TTF2: variants seen among roughly 807,000 people sequenced by gnomAD.
TTF2 encodes transcription termination factor 2.
Under a neutral mutation model 142.4 loss-of-function variants are expected in TTF2, and 108 were observed. The observed-to-expected ratio is 0.76, with a 90% CI of 0.65 to 0.89. The LOEUF is 0.89. Among genes scored for constraint, TTF2 ranks in the 40% least tolerant of loss-of-function variants. The pLI is 0.00. For missense variants in TTF2, 1,327 were observed against 1,379.8 expected (o/e 0.96, Z 0.61); for synonymous variants, 483 against 506.2 (o/e 0.95, Z 0.61).
At position 117,080,676 on chromosome 1, in the gene TTF2, G is replaced by T. The variant is rs979407479; in HGVS notation, c.1783+1027G>T. ...CAGTGGTCCTCAAAACCACCCCCAG[G>T]TTCGATGATTTGCTAGTAAGACACA... On this transcript the variant is annotated intron_variant, in intron 9 of 22. Coordinates refer to ENST00000369466, the MANE Select transcript of TTF2 (RefSeq NM_003594.4). This position sits in a 1 kb window ranked among gnomAD's most constrained non-coding sequence, Gnocchi z 4.3. 1.6e-4 allele frequency among the ~76,000 whole-genome samples: 24 copies of T among 152,164 alleles called. No homozygotes were observed. The highest frequency in any genetic ancestry group is 2.4e-4 in the Non-Finnish European group (16 of 68,032).
rs1649977097 is a variant in TTF2 at position 117,106,785 on chromosome 1, G to A, written c.*5261G>A. The A allele has an allele frequency of 6.6e-6, 1 of 152,198 alleles. No homozygotes were observed. The highest frequency in any genetic ancestry group is 2.1e-4 in the South Asian group (1 of 4,830). 9.4% of individuals were successfully genotyped at this position (152,198 alleles called of 1,614,324 possible). The stretch of plus-strand genomic sequence containing the variant: ...TCTTCCTATACTGCCTGCTTCTAAT[G>A]AGCATCCACTTCATTGAACCACCTC... On this transcript the variant is annotated 3_prime_UTR_variant, in exon 23 of 23. Transcript: ENST00000369466.
Position 117,097,413 on chromosome 1 carries a change from C to A in TTF2, c.3249C>A (p.Leu1083=), listed in dbSNP as rs750089482. 1.1e-5 allele frequency: 17 copies of A among 1,614,134 alleles called. No individual in the cohort carries two copies. The Admixed American group carries it at 2.8e-4, about 27-fold the overall frequency. The change falls in exon 21 of 23, where the codon CTC becomes CTA. Residue 1083 remains leucine, a synonymous_variant. Transcript: ENST00000369466. The surrounding 1 kb of genome is among the most constrained non-coding windows in gnomAD (Gnocchi z 4.1). Reference sequence around the variant, plus strand: ...TAAACCTGACTGGAGGAAATCACCTCTTTCTTTTGGACATGCACTGGTAAT... The same window carrying A: ...TAAACCTGACTGGAGGAAATCACCTATTTCTTTTGGACATGCACTGGTAAT... ...VGLNLTGGNH[L]FLLDMHWNPS...
In TTF2 at chr1:117,080,003, T is replaced by TCC. The variant is rs933663766; in HGVS notation, c.1783+356_1783+357dup. 6.8e-6 allele frequency among the ~76,000 whole-genome samples: 1 copy of TCC among 146,998 alleles called. No individual in the cohort carries two copies. Among genetic ancestry groups the TCC allele is most frequent in the African/African-American group, 2.5e-5 (1 of 39,858 alleles). The stretch of plus-strand genomic sequence containing the variant: ...AACACACAAACAGCAGTCTATTGCC[T>TCC]CCCTCTTTTTTTTTTTTTTTTTTGA... On this transcript the variant is annotated intron_variant, in intron 9 of 22. Coordinates refer to ENST00000369466, the MANE Select transcript of TTF2 (RefSeq NM_003594.4). The surrounding 1 kb of genome is among the most constrained non-coding windows in gnomAD (Gnocchi z 4.3).
In TTF2 at chr1:117,076,822, A is replaced by C; in HGVS notation, c.1572A>C (p.Arg524=). 1 of 1,610,830 alleles carries C rather than the reference A, an allele frequency of 6.2e-7. No homozygotes were observed. The highest frequency in any genetic ancestry group is 8.5e-7 in the Non-Finnish European group (1 of 1,178,316). ...CTGGAGGATCCAGTCAGTGCTATCGAGGTAAGACCCAAGGGCCTGACCCTG... is the reference window on the plus strand; with the variant it reads ...CTGGAGGATCCAGTCAGTGCTATCGCGGTAAGACCCAAGGGCCTGACCCTG... The part of the protein sequence containing the change: ...VTAGGSSQCY[R]GHTNQDHVHA... Residue 524 remains arginine (R), a splice_region_variant and synonymous_variant, in exon 7 of 23, where the codon CGA becomes CGC. Coordinates refer to ENST00000369466, the MANE Select transcript of TTF2 (RefSeq NM_003594.4). This position sits in a 1 kb window ranked among gnomAD's most constrained non-coding sequence, Gnocchi z 4.6.
intron 3 of TTF2, among the ~76,000 whole-genome samples, chr1:117,072,290 G>T (rs1182159813): frequency 6.6e-6 from 1 of 151,892 alleles, no homozygotes; most frequent in Non-Finnish European, 1.5e-5. Flanking sequence ...ACAATTGCCA[G>T]CTCATGGCTA....
rs771951853 is a variant in TTF2, at chr1:117,073,702, G to A, written c.260G>A (p.Arg87His). 4.3e-6 allele frequency: 7 copies of A among 1,612,206 alleles called. No individual in the cohort carries two copies. Among genetic ancestry groups the A allele is most frequent in the South Asian group, 3.3e-5 (3 of 90,812 alleles). The stretch of plus-strand genomic sequence containing the variant: ...ATTAGAAGTAAGGCAGAGGGGAAAC[G>A]CTGGTGTGGAAGTATTCCATGGCAG... ...RCIRSKAEGKRWCGSIPWQDP... is the reference protein window; with the variant it reads ...RCIRSKAEGKHWCGSIPWQDP... The change falls in exon 4 of 23, where the codon CGC (arginine) becomes CAC (histidine). Residue 87 changes from arginine (R) to histidine (H), a missense_variant. Arg to His is a conservative substitution (Grantham distance 29). Transcript: ENST00000369466. The surrounding 1 kb of genome is among the most constrained non-coding windows in gnomAD (Gnocchi z 4.4).
chr1:117,091,976 C>A (rs1474660595), intron 17 of TTF2, 26 bp downstream of exon 17: 1 of 1,596,952 alleles, frequency 6.3e-7, no homozygotes. Flanking sequence ...AGCCTGCTGT[C>A]ATATAGTGCT....
rs1024905044 is a variant in TTF2 at position 117,102,418 on chromosome 1, T to C, written c.*894T>C. On this transcript the variant is annotated 3_prime_UTR_variant, in exon 23 of 23. Transcript: ENST00000369466. ...AGGAGATGCTTTGTACATGAACAGATGCTGAGTATCTGTTATCATTGTATT... is the reference window on the plus strand; with the variant it reads ...AGGAGATGCTTTGTACATGAACAGACGCTGAGTATCTGTTATCATTGTATT... The C allele has an allele frequency of 5.3e-5, 8 of 152,222 alleles. 1 individual carries two copies. In the South Asian group the frequency reaches 8.3e-4, roughly 16 times the overall value. The allele number at this position is 152,222 out of a possible 1,614,324, so 9.4% of individuals were successfully genotyped here.
At chr1:117,094,934 G>A (rs1289823570) in intron 18 of TTF2, among the ~76,000 whole-genome samples, 3 of 152,180 alleles carry the variant, frequency 2.0e-5, no homozygotes, top group African/African-American at 4.8e-5. Context: ...TAGGCAGAGG[G>A]AGCAGAATGG....
Position 117,090,131 on chromosome 1 carries a change from GA to G in TTF2, c.2421del (p.Glu807AspfsTer3). ...TGACAATGGCTCAAAGAAAGGAGGA[GA>G]ACGGTTAAGTATTTTAACCAAGAGC... Reference protein sequence around the residue: ...QVDNGSKKGGERLSILTKSLL... With the variant: ...QVDNGSKKGGXRLSILTKSLL... On this transcript the variant is annotated frameshift_variant, in exon 14 of 23. Coordinates refer to ENST00000369466, the MANE Select transcript of TTF2 (RefSeq NM_003594.4). LOFTEE classifies it high-confidence loss of function. The surrounding 1 kb of genome is among the most constrained non-coding windows in gnomAD (Gnocchi z 4.8). The G allele has an allele frequency of 1.2e-6, 2 of 1,614,144 alleles. No homozygotes were observed. Among genetic ancestry groups the G allele is most frequent in the Non-Finnish European group, 1.7e-6 (2 of 1,180,008 alleles).
chr1:117,084,001 T>G lies in TTF2; in HGVS notation c.1904-17T>G. 1 of 1,613,568 alleles carries G rather than the reference T, an allele frequency of 6.2e-7. No individual in the cohort carries two copies. The highest frequency in any genetic ancestry group is 8.5e-7 in the Non-Finnish European group (1 of 1,179,642). ...TTGGTGAATGTAACTAGGCACTGAT[T>G]TTTTTCCCTTCTCAAGACTCTTGTG... On this transcript the variant is annotated splice_polypyrimidine_tract_variant and intron_variant, in intron 10 of 22. Transcript: ENST00000369466.
chr1:117,097,575 C>T lies in TTF2; in HGVS notation c.3269+142C>T. On this transcript the variant is annotated intron_variant, in intron 21 of 22. Coordinates refer to ENST00000369466, the MANE Select transcript of TTF2 (RefSeq NM_003594.4). The surrounding 1 kb of genome is among the most constrained non-coding windows in gnomAD (Gnocchi z 4.1). The stretch of plus-strand genomic sequence containing the variant: ...CTTGCTTTGTATGTGTCTATAGATA[C>T]AGATCTAAGCAGGGTATAGGGCTAG... 3.9e-6 allele frequency: 3 copies of T among 774,618 alleles called. No individual in the cohort carries two copies. The highest frequency in any genetic ancestry group is 6.7e-6 in the Non-Finnish European group (3 of 450,010). The allele number at this position is 774,618 out of a possible 1,614,324, so 48.0% of individuals were successfully genotyped here.
In TTF2 at chr1:117,106,340, C is replaced by CACAA. The variant is rs1431768506; in HGVS notation, c.*4817_*4820dup. 1 of 151,422 alleles carries CACAA rather than the reference C, an allele frequency of 6.6e-6. No homozygotes were observed. Among genetic ancestry groups the CACAA allele is most frequent in the Non-Finnish European group, 1.5e-5 (1 of 67,964 alleles). 9.4% of individuals were successfully genotyped at this position (151,422 alleles called of 1,614,324 possible). ...AAGAGGGGCGACAGATATGCAGCTA[C>CACAA]ACAATGTTTTTACTATCTTGAGTTC... is the stretch of plus-strand genomic sequence containing the variant. On this transcript the variant is annotated 3_prime_UTR_variant, in exon 23 of 23. Coordinates refer to ENST00000369466, the MANE Select transcript of TTF2 (RefSeq NM_003594.4).
In TTF2 at chr1:117,084,087, A is replaced by C. The variant is rs781000666; in HGVS notation, c.1973A>C (p.Asn658Thr). 9 of 1,614,182 alleles carry C rather than the reference A, an allele frequency of 5.6e-6. No individual in the cohort carries two copies. In the Admixed American group the frequency reaches 1.2e-4, roughly 21 times the overall value. ...GCCTCCCTGATCCATCATTGGAAAA[A>C]TGAGGTGGAGAAACGGGTGAACAGC... ...CPASLIHHWK[N>T]EVEKRVNSNK... The change falls in exon 11 of 23, where the codon AAT becomes ACT. Residue 658 changes from asparagine (N) to threonine (T), a missense_variant. Coordinates refer to ENST00000369466, the MANE Select transcript of TTF2 (RefSeq NM_003594.4).
Position 117,075,689 on chromosome 1 carries a change from C to T in TTF2, c.1105C>T (p.Pro369Ser), listed in dbSNP as rs199968118. 316 of 1,614,000 alleles carry T rather than the reference C, an allele frequency of 2.0e-4. No individual in the cohort carries two copies. Among genetic ancestry groups the T allele is most frequent in the Non-Finnish European group, 2.4e-4 (287 of 1,179,986 alleles). ...TTTTGTTTCCTCTAAGCCTGGGAGC[C>T]CCCTACTCTTTGACTCGACTCTGGA... Reference protein sequence around the residue: ...VVFVSSKPGSPLLFDSTLDLE... With the variant: ...VVFVSSKPGSSLLFDSTLDLE... Residue 369 changes from proline to serine, a missense_variant, in exon 5 of 23, where the codon CCC (proline) becomes TCC (serine). Physicochemically the swap from Pro to Ser is moderately conservative, Grantham distance 74 (BLOSUM62 -1). Transcript: ENST00000369466. The surrounding 1 kb of genome is among the most constrained non-coding windows in gnomAD (Gnocchi z 4.5).
chr1:117,082,002 A>G (rs1647558407), intron 10 of TTF2, 55 bp downstream of exon 10: 3 of 1,612,390 alleles, frequency 1.9e-6, no homozygotes, highest in Non-Finnish European at 2.5e-6. Context: ...GAGCCACCCA[A>G]GAGGGGAACG....
At chr1:117,069,838 A>C (rs1656440095) in intron 3 of TTF2, among the ~76,000 whole-genome samples, 1 of 152,210 alleles carries the variant, frequency 6.6e-6, no homozygotes, top group Admixed American at 6.5e-5. Context: ...GTTTTGGTGA[A>C]GAAGTCAGGA....
intron 7 of TTF2, among the ~76,000 whole-genome samples, chr1:117,077,092 ATAGG>A (rs931658312): frequency 5.9e-5 from 9 of 152,092 alleles, no homozygotes; most frequent in Non-Finnish European, 1.3e-4. Flanking sequence ...AAAGTTTAAA[ATAGG>A]TATGTACGTA....
In TTF2 at chr1:117,063,566, T is replaced by C. The variant is rs1441968313; in HGVS notation, c.218+1093T>C. ...AAATGTATATAATATGTATCAGTAATTCATTCATTTTTATTGTGGAGTTGA... is the reference window on the plus strand; with the variant it reads ...AAATGTATATAATATGTATCAGTAACTCATTCATTTTTATTGTGGAGTTGA... On this transcript the variant is annotated intron_variant, in intron 3 of 22. Transcript: ENST00000369466. This position sits in a 1 kb window ranked among gnomAD's most constrained non-coding sequence, Gnocchi z 4.1. Among the ~76,000 whole-genome samples the C allele has an allele frequency of 6.6e-6, 1 of 152,064 alleles. No individual in the cohort carries two copies. Among genetic ancestry groups the C allele is most frequent in the Non-Finnish European group, 1.5e-5 (1 of 68,046 alleles).
Sources: gnomAD v4.1 joint callset for allele counts (sites outside exome capture counted in the v4.1 genomes callset) on GRCh38, gnomAD v4.1.1 for gene constraint, Gnocchi (gnomAD v3.1) non-coding constraint, MANE v1.5 for transcripts, NCBI Gene and HGNC (gene_info 2026-07-23, HGNC 2026-07-21) for gene names.